ZNF560: variants seen among roughly 807,000 people sequenced by gnomAD.
ZNF560 encodes the protein zinc finger protein 560.
ZNF560 carries 54 observed loss-of-function variants against 81.8 expected under a neutral mutation model. That is an observed-to-expected ratio of 0.66 (90% CI 0.53 to 0.83). ZNF560 has a LOEUF of 0.83. ZNF560 is among the 40% of genes least tolerant of loss of function. The pLI is 0.00. For missense variants in ZNF560, 940 were observed against 932.4 expected (o/e 1.01, Z -0.11); for synonymous variants, 321 against 317.9 (o/e 1.01, Z -0.10).
chr19:9,462,301 C>T (rs1022824736), downstream of ZNF560, among the ~76,000 whole-genome samples: 2 of 152,204 alleles, frequency 1.3e-5, no homozygotes, highest in Non-Finnish European at 2.9e-5. Context: ...TCAAGGTGTT[C>T]CTAAACCACA....
At chr19:9,483,782 TCTGGGAGGTGTAC>T (rs1207371328) in intron 2 of ZNF560, among the ~76,000 whole-genome samples, 1 of 152,142 alleles carries the variant, frequency 6.6e-6, no homozygotes, top group Non-Finnish European at 1.5e-5. Context: ...CGCCACCCCA[TCTGGGAGGTGTAC>T]CCAACAGCTC....
intron 5 of ZNF560, among the ~76,000 whole-genome samples, chr19:9,472,178 T>C (rs902280178): frequency 6.6e-6 from 1 of 151,902 alleles, no homozygotes; most frequent in African/African-American, 2.4e-5. Flanking sequence ...CCAAATCTCA[T>C]ATGGAAATGC....
chr19:9,485,509 GAAAAAA>G, intron 2 of ZNF560, among the ~76,000 whole-genome samples: 1 of 127,366 alleles, frequency 7.9e-6, no homozygotes, highest in Middle Eastern at 4.1e-3. Context: ...TACATCTCAA[GAAAAAA>G]AAAAAAAAAG....
the ZNF560 span, among the ~76,000 whole-genome samples, chr19:9,457,835 T>C: frequency 6.6e-6 from 1 of 152,174 alleles, no homozygotes; most frequent in South Asian, 2.1e-4. Flanking sequence ...CTGTTTTCTA[T>C]CTTTAGAGGA....
the ZNF560 span, among the ~76,000 whole-genome samples, chr19:9,504,325 C>A: frequency 1.3e-5 from 2 of 152,054 alleles, no homozygotes. Context: ...ATCCCAGCTA[C>A]TTGGGAGGCT....
chr19:9,483,529 G>T (rs954471757), intron 2 of ZNF560, among the ~76,000 whole-genome samples: 6 of 149,660 alleles, frequency 4.0e-5, no homozygotes, highest in Non-Finnish European at 8.9e-5. Flanking sequence ...CGTCCGGGAG[G>T]GGGGTGGGGG....
chr19:9,466,903 TCTC>T lies in ZNF560; in HGVS notation c.2041_2043del (p.Glu681del). The T allele has an allele frequency of 6.2e-7, 1 of 1,614,088 alleles. No individual in the cohort carries two copies. The highest frequency in any genetic ancestry group is 2.2e-5 in the East Asian group (1 of 44,874). On this transcript the variant is annotated inframe_deletion, in exon 10 of 10. Transcript: ENST00000301480. Reference sequence around the variant, plus strand: ...CCACATGCGTTACATTCAGAGGTCTTCTCTGCTGCATGAGTTTTTAAGTGTTGA... The same window carrying T: ...CCACATGCGTTACATTCAGAGGTCTTTGCTGCATGAGTTTTTAAGTGTTGA...
At chr19:9,497,320 C>G (rs1211375540) in intron 2 of ZNF560, among the ~76,000 whole-genome samples, 1 of 151,964 alleles carries the variant, frequency 6.6e-6, no homozygotes. Flanking sequence ...TTACCCACTA[C>G]TTAAATGTCG....
At chr19:9,471,401 G>GT in intron 5 of ZNF560, 23 bp from the exon 6 acceptor site, 2 of 1,423,936 alleles carry the variant, frequency 1.4e-6, no homozygotes, top group Non-Finnish European at 9.3e-7. Context: ...CATAAACTGA[G>GT]GTTTTTTTTT....
chr19:9,493,683 T>C (rs1168066759), intron 2 of ZNF560, among the ~76,000 whole-genome samples: 2 of 152,224 alleles, frequency 1.3e-5, no homozygotes, highest in African/African-American at 4.8e-5. Context: ...TTGTTACGTA[T>C]ACATGTTAGT....
At chr19:9,470,360 G>C (rs776920509) in intron 7 of ZNF560, 32 bp downstream of exon 7, 14 of 1,576,732 alleles carry the variant, frequency 8.9e-6, no homozygotes, top group Admixed American at 1.9e-5. Context: ...TCTTGTTCCA[G>C]AATAGGCTAC....
intron 2 of ZNF560, among the ~76,000 whole-genome samples, 176 bp downstream of exon 2, chr19:9,497,952 G>A (rs1479152009): frequency 6.6e-6 from 1 of 152,130 alleles, no homozygotes; most frequent in Non-Finnish European, 1.5e-5. Flanking sequence ...ATATGCACAT[G>A]CAGAAATACG....
chr19:9,473,094 T>G, intron 5 of ZNF560, 85 bp downstream of exon 5: 1 of 1,114,260 alleles, frequency 9.0e-7, no homozygotes, highest in Non-Finnish European at 1.4e-6. Flanking sequence ...AGGTATTTCT[T>G]TCTTGCAACA....
intron 2 of ZNF560, among the ~76,000 whole-genome samples, chr19:9,482,827 T>A (rs113482674): frequency 0.014 from 2,074 of 152,240 alleles, 54 homozygotes; most frequent in African/African-American, 0.047. Context: ...CATGCCTGAC[T>A]GGTTTTCGTA....
At chr19:9,489,090 T>G (rs990368481) in intron 2 of ZNF560, among the ~76,000 whole-genome samples, 3 of 152,248 alleles carry the variant, frequency 2.0e-5, no homozygotes, top group Non-Finnish European at 4.4e-5. Flanking sequence ...AAACTTTTTT[T>G]ATTCTGCAAT....
the ZNF560 span, among the ~76,000 whole-genome samples, chr19:9,449,786 T>C: frequency 1.3e-5 from 2 of 151,536 alleles, no homozygotes; most frequent in South Asian, 2.1e-4. Context: ...CTGGCTAACA[T>C]GGTGAAACCT....
intron 2 of ZNF560, among the ~76,000 whole-genome samples, chr19:9,484,101 G>C (rs377384258): frequency 1.1e-4 from 15 of 132,134 alleles, no homozygotes; most frequent in East Asian, 2.3e-4. Flanking sequence ...CAGCATGCTC[G>C]TTAAGAGTCA....
chr19:9,477,220 C>T (rs914609990), intron 2 of ZNF560, among the ~76,000 whole-genome samples: 3 of 151,998 alleles, frequency 2.0e-5, no homozygotes, highest in Admixed American at 6.6e-5. Context: ...TACATATATA[C>T]ATATATATAT....
At chr19:9,489,641 G>A (rs978908816) in intron 2 of ZNF560, among the ~76,000 whole-genome samples, 12 of 151,860 alleles carry the variant, frequency 7.9e-5, no homozygotes, top group African/African-American at 2.9e-4. Flanking sequence ...CCAGGCTGGA[G>A]TGCAGTGGCG....
Sources: gnomAD v4.1 joint callset for allele counts (sites outside exome capture counted in the v4.1 genomes callset) on GRCh38, gnomAD v4.1.1 for gene constraint, MANE v1.5 for transcripts, NCBI Gene and HGNC (gene_info 2026-07-23, HGNC 2026-07-21) for gene names.